MCF2: variants seen among roughly 807,000 people sequenced by gnomAD.
The protein encoded by MCF2 is MCF.2 cell line derived transforming sequence.
Under a neutral mutation model 82.5 loss-of-function variants are expected in MCF2, and 44 were observed. That is an observed-to-expected ratio of 0.53 (90% CI 0.42 to 0.69). The LOEUF (loss-of-function observed/expected upper bound fraction) is 0.69, where lower values mean the gene tolerates loss of function less well. MCF2 is among the 30% of genes least tolerant of loss of function. The pLI is 0.00. For synonymous variants in MCF2, 217 were observed against 224.9 expected, an observed-to-expected ratio of 0.96 and a Z score of 0.32; for missense variants, 623 against 663.1, an observed-to-expected ratio of 0.94 and a Z score of 0.66.
intron 1 of MCF2, among the ~76,000 whole-genome samples, chrX:139,672,359 G>T (rs1603305304): frequency 8.9e-6 from 1 of 112,613 alleles, no homozygotes; most frequent in Admixed American, 9.4e-5. Context: ...ATCTTGAATA[G>T]GAGTGGTGAG....
chrX:139,625,693 G>A (rs960606462), intron 6 of MCF2, among the ~76,000 whole-genome samples: 1 of 111,848 alleles, frequency 8.9e-6, no homozygotes, highest in Admixed American at 9.5e-5. Flanking sequence ...TTCCAGGAAG[G>A]TCCAATTGGA....
chrX:139,656,040 G>GT lies in MCF2; in HGVS notation c.-44-4253dup, dbSNP rs199661529. On this transcript the variant is annotated intron_variant, in intron 1 of 27. Transcript: ENST00000414978. ...AAATGAGGGCAATACAGTAAATGCT[G>GT]TTTTTTTTTGTTTGTTTGTTTTGTT... Among the ~76,000 whole-genome samples the GT allele has an allele frequency of 8.3e-3, 910 of 110,260 alleles. 11 individuals carry two copies. The highest frequency in any genetic ancestry group is 0.027 in the African/African-American group (829 of 30,355).
rs545204692 is a variant in MCF2 at position 139,661,694 on chromosome X, G to C, written c.-44-9906C>G. ...ATCTGGAGGTATCTTAGATCTGAAT[G>C]CCATCATCACATTTGATTGTTTTTC... is the stretch of plus-strand genomic sequence containing the variant. On this transcript the variant is annotated intron_variant, in intron 1 of 27. Coordinates refer to the MCF2 transcript ENST00000414978. Among the ~76,000 whole-genome samples the C allele has an allele frequency of 8.8e-4, 98 of 111,542 alleles. 2 individuals are homozygous for C. The South Asian group carries it at 0.035, about 40-fold the overall frequency.
intron 1 of MCF2, among the ~76,000 whole-genome samples, chrX:139,697,760 A>G (rs745658317): frequency 5.4e-5 from 6 of 112,124 alleles, no homozygotes; most frequent in Non-Finnish European, 9.4e-5. Flanking sequence ...TGCCATTTTA[A>G]AGGCCAAAAC....
At chrX:139,641,295 A>G (rs1289694344) in intron 1 of MCF2, among the ~76,000 whole-genome samples, 1 of 109,824 alleles carries the variant, frequency 9.1e-6, no homozygotes, top group Non-Finnish European at 1.9e-5. Context: ...CAAAGTACAT[A>G]CACAAACATT....
intron 1 of MCF2, among the ~76,000 whole-genome samples, chrX:139,695,808 A>G (rs757408044): frequency 8.9e-6 from 1 of 111,921 alleles, no homozygotes; most frequent in Non-Finnish European, 1.9e-5. Context: ...TGCCAGAAGA[A>G]ATGTCTTATT....
At chrX:139,680,186 C>T (rs1934966249) in intron 1 of MCF2, among the ~76,000 whole-genome samples, 1 of 111,420 alleles carries the variant, frequency 9.0e-6, no homozygotes, top group African/African-American at 3.3e-5. Flanking sequence ...TGCAGTGGTG[C>T]AATCATAGCT....
intron 1 of MCF2, among the ~76,000 whole-genome samples, chrX:139,671,021 G>T (rs528325123): frequency 2.7e-5 from 3 of 111,679 alleles, no homozygotes; most frequent in African/African-American, 9.8e-5. Context: ...GGTGTGAGAT[G>T]GTATCTCATT....
chrX:139,608,513 G>C (rs1263903388), intron 11 of MCF2, among the ~76,000 whole-genome samples: 1 of 111,248 alleles, frequency 9.0e-6, no homozygotes, highest in Non-Finnish European at 1.9e-5. Context: ...AGAAGCATTT[G>C]AAGTGTATTC....
chrX:139,629,773 A>G, exon 4 of MCF2: 1 of 1,208,226 alleles, frequency 8.3e-7, no homozygotes. Flanking sequence ...GTTCTGTCTC[A>G]GCCAGTTCAG....
intron 10 of MCF2, among the ~76,000 whole-genome samples, chrX:139,614,450 C>T (rs1931736203): frequency 9.0e-6 from 1 of 111,068 alleles, no homozygotes; most frequent in African/African-American, 3.3e-5. Context: ...CTTGTACTCC[C>T]ACATTTATAC....
chrX:139,677,983 T>C (rs1934912181), intron 1 of MCF2, among the ~76,000 whole-genome samples: 1 of 110,975 alleles, frequency 9.0e-6, no homozygotes, highest in African/African-American at 3.3e-5. Context: ...GCCGACACAG[T>C]GAAACTCCGT....
At chrX:139,588,487 A>C (rs762916315) in intron 20 of MCF2, 49 bp from the exon 25 acceptor site, 1 of 777,098 alleles carries the variant, frequency 1.3e-6, no homozygotes, top group Admixed American at 2.3e-5. Flanking sequence ...ATTTCCTTTT[A>C]AAAAGGATGT....
At chrX:139,597,162 G>A (rs1930169658) in intron 18 of MCF2, among the ~76,000 whole-genome samples, 1 of 110,914 alleles carries the variant, frequency 9.0e-6, no homozygotes, top group Admixed American at 9.7e-5. Context: ...CCTATCTACA[G>A]GGGCAAGCAG....
intron 21 of MCF2, 58 bp downstream of exon 25, chrX:139,588,302 C>G: frequency 2.2e-6 from 2 of 889,128 alleles, no homozygotes; most frequent in Non-Finnish European, 3.2e-6. Flanking sequence ...ATTTAAAAAT[C>G]TGAGTCAATA....
chrX:139,647,577 C>T (rs1933845680), upstream of MCF2, among the ~76,000 whole-genome samples: 1 of 111,072 alleles, frequency 9.0e-6, no homozygotes, highest in East Asian at 2.8e-4. Context: ...AGTATCTTGA[C>T]CAAGTGGGTG....
At chrX:139,653,050 A>G (rs1345764947) in intron 1 of MCF2, among the ~76,000 whole-genome samples, 3 of 112,196 alleles carry the variant, frequency 2.7e-5, no homozygotes, top group African/African-American at 9.7e-5. Flanking sequence ...TCATTTCTTA[A>G]AAATGTCTTG....
rs1461695768 is a variant in MCF2 at position 139,617,760 on chromosome X, A to C, written c.808-56T>G. 8.2e-6 allele frequency: 6 copies of C among 732,441 alleles called. No homozygotes were observed. The African/African-American group carries it at 1.3e-4, about 16-fold the overall frequency. The allele number at this position is 732,441 out of a possible 1,213,427, so 60.4% of individuals were successfully genotyped here. A position where few individuals can be genotyped will look rare whatever the true frequency, so the allele number is the denominator to read the frequency against. Reference sequence around the variant, plus strand: ...TACATGATCTCTGTTCCTATAGAGAAAAAAAGAAGAAAATAATTAAGAAGC... The same window carrying C: ...TACATGATCTCTGTTCCTATAGAGACAAAAAGAAGAAAATAATTAAGAAGC... On this transcript the variant is annotated intron_variant, in intron 7 of 24. Coordinates refer to ENST00000370576, the Ensembl canonical transcript of MCF2.
At chrX:139,643,276 T>C (rs192903131), upstream of MCF2, among the ~76,000 whole-genome samples, 437 of 112,135 alleles carry the variant, frequency 3.9e-3, 1 homozygote, top group Middle Eastern at 0.018. Flanking sequence ...CAAATTGAAT[T>C]GTATGATTAT....
Sources: gnomAD v4.1 joint callset for allele counts (sites outside exome capture counted in the v4.1 genomes callset) on GRCh38, gnomAD v4.1.1 for gene constraint, MANE v1.5 for transcripts, NCBI Gene and HGNC (gene_info 2026-07-23, HGNC 2026-07-21) for gene names.